SYT16: variants seen among roughly 807,000 people sequenced by gnomAD.
SYT16 encodes the protein synaptotagmin-16.
A neutral mutation model predicts 61.4 loss-of-function variants in SYT16; 42 were observed. That is an observed-to-expected ratio of 0.68 (90% CI 0.53 to 0.89). The LOEUF (loss-of-function observed/expected upper bound fraction) is 0.89. SYT16 is among the 40% of genes least tolerant of loss of function. The pLI is 0.00. For synonymous variants in SYT16, 314 were observed against 302.3 expected, an observed-to-expected ratio of 1.04 and a Z score of -0.40; for missense variants, 804 against 807.3, an observed-to-expected ratio of 1.00 and a Z score of 0.05.
intron 3 of SYT16, among the ~76,000 whole-genome samples, chr14:62,030,525 C>T (rs2054274677): frequency 1.3e-5 from 2 of 152,170 alleles, no homozygotes; most frequent in Admixed American, 1.3e-4. Context: ...AGTCCAAATC[C>T]CATCTAGATT....
chr14:61,956,981 T>C (rs569073799), intron 1 of SYT16, among the ~76,000 whole-genome samples: 45 of 152,104 alleles, frequency 3.0e-4, no homozygotes, highest in African/African-American at 1.0e-3. Context: ...TTTTAAAATT[T>C]CTTTCATCAA....
At chr14:61,949,744 G>A (rs1051989718) in intron 1 of SYT16, among the ~76,000 whole-genome samples, 11 of 152,308 alleles carry the variant, frequency 7.2e-5, no homozygotes, top group African/African-American at 2.6e-4. Flanking sequence ...CAACTTTACA[G>A]CATTTGAATG....
At chr14:62,011,409 T>C (rs1396096563) in intron 3 of SYT16, among the ~76,000 whole-genome samples, 1 of 152,182 alleles carries the variant, frequency 6.6e-6, no homozygotes, top group Non-Finnish European at 1.5e-5. Flanking sequence ...ACCACCACTT[T>C]CTGGCAATAA....
At chr14:61,817,954 T>G (rs1566605457) in intron 1 of SYT16, among the ~76,000 whole-genome samples, 1 of 152,204 alleles carries the variant, frequency 6.6e-6, no homozygotes. Flanking sequence ...AGGAGTTCCT[T>G]GTGCTGTTCT....
chr14:61,991,330 T>TTGTGTGTGTGTGTG lies in SYT16; in HGVS notation c.-144-4526_-144-4513dup, dbSNP rs71117861. Among the ~76,000 whole-genome samples the TTGTGTGTGTGTGTG allele has an allele frequency of 3.6e-3, 523 of 146,460 alleles. 5 individuals are homozygous for TTGTGTGTGTGTGTG. Among genetic ancestry groups the TTGTGTGTGTGTGTG allele is most frequent in the African/African-American group, 7.4e-3 (292 of 39,540 alleles). On this transcript the variant is annotated intron_variant, in intron 2 of 7. Transcript: ENST00000683842. ...ACTGGACTTTTTTTCTGTTTTTCATTTGTGTGTGTGTGTGTGTGTGTGTGT... is the reference window on the plus strand; with the variant it reads ...ACTGGACTTTTTTTCTGTTTTTCATTTGTGTGTGTGTGTGTGTGTGTGTGTGTGTGTGTGTGTGT...
intron 3 of SYT16, among the ~76,000 whole-genome samples, chr14:62,056,004 G>C (rs906332989): frequency 6.6e-6 from 1 of 151,846 alleles, no homozygotes; most frequent in Non-Finnish European, 1.5e-5. Context: ...GTGGGAGAAA[G>C]ATGGAGGCCA....
At chr14:61,895,871 T>A (rs1487844838) in intron 1 of SYT16, among the ~76,000 whole-genome samples, 5 of 152,198 alleles carry the variant, frequency 3.3e-5, no homozygotes, top group Non-Finnish European at 7.3e-5. Flanking sequence ...ATATTAGTTA[T>A]TTAGGAATTT....
At chr14:61,998,538 T>C (rs2052863582) in intron 3 of SYT16, among the ~76,000 whole-genome samples, 1 of 152,040 alleles carries the variant, frequency 6.6e-6, no homozygotes, top group Non-Finnish European at 1.5e-5. Context: ...TTTCCCTTTT[T>C]AATTGCTGAA....
chr14:62,009,599 G>A (rs2053363556), intron 3 of SYT16, among the ~76,000 whole-genome samples: 1 of 152,088 alleles, frequency 6.6e-6, no homozygotes, highest in African/African-American at 2.4e-5. Context: ...TCCTATGTTG[G>A]CGGGATCCTC....
intron 3 of SYT16, among the ~76,000 whole-genome samples, chr14:62,064,226 A>G (rs2055955349): frequency 6.6e-6 from 1 of 151,528 alleles, no homozygotes; most frequent in Admixed American, 6.6e-5. Flanking sequence ...TGATTTTCAA[A>G]GATTAAGTTA....
At chr14:61,969,110 A>G (rs1046239810) in intron 1 of SYT16, among the ~76,000 whole-genome samples, 7 of 152,168 alleles carry the variant, frequency 4.6e-5, no homozygotes, top group African/African-American at 1.4e-4. Flanking sequence ...ATCTCTTCAT[A>G]TTATTAAGGC....
At position 61,814,948 on chromosome 14, in the gene SYT16, C is replaced by T. The variant is rs150742178; in HGVS notation, c.-325+2138C>T. 9.7e-3 allele frequency among the ~76,000 whole-genome samples: 1,470 copies of T among 152,306 alleles called. 32 individuals are homozygous for T. The highest frequency in any genetic ancestry group is 0.034 in the African/African-American group (1,394 of 41,544). On this transcript the variant is annotated intron_variant, in intron 1 of 7. Transcript: ENST00000683842. ...AAAACGTAGAGCCCAGGGCTTCTCC[C>T]AGATACAGAATTCTTTAGTTAGCTC...
intron 3 of SYT16, 124 bp downstream of exon 3, chr14:61,996,666 C>T (rs2052785883): frequency 8.4e-7 from 1 of 1,190,806 alleles, no homozygotes; most frequent in South Asian, 1.7e-5. Flanking sequence ...TTCCCACATA[C>T]TGGCTTCTGA....
chr14:61,920,609 G>A (rs375950972), intron 1 of SYT16, among the ~76,000 whole-genome samples: 6 of 152,166 alleles, frequency 3.9e-5, no homozygotes, highest in Non-Finnish European at 7.4e-5. Flanking sequence ...GTGTCCCGTC[G>A]GCACTGTAGA....
chr14:61,935,383 T>C (rs557369548), intron 1 of SYT16, among the ~76,000 whole-genome samples: 3 of 152,340 alleles, frequency 2.0e-5, no homozygotes, highest in Admixed American at 6.5e-5. Context: ...TCTTTGCATA[T>C]TTTTTCATTA....
At chr14:61,862,183 T>A (rs1449761587) in intron 1 of SYT16, among the ~76,000 whole-genome samples, 4 of 152,236 alleles carry the variant, frequency 2.6e-5, no homozygotes, top group Non-Finnish European at 5.9e-5. Context: ...TTTTGACAAG[T>A]GTGTAGTTTT....
intron 3 of SYT16, among the ~76,000 whole-genome samples, chr14:62,025,381 C>T (rs536306238): frequency 6.6e-6 from 1 of 152,166 alleles, no homozygotes; most frequent in Non-Finnish European, 1.5e-5. Context: ...TGCTTATTTG[C>T]CATTGGTATA....
At chr14:62,041,194 G>A (rs1245330564) in intron 3 of SYT16, among the ~76,000 whole-genome samples, 2 of 151,982 alleles carry the variant, frequency 1.3e-5, no homozygotes, top group Non-Finnish European at 2.9e-5. Context: ...ATTAACAGTG[G>A]GTCTGCCTTT....
At chr14:61,847,094 CAGTT>C in intron 1 of SYT16, among the ~76,000 whole-genome samples, 1 of 152,280 alleles carries the variant, frequency 6.6e-6, no homozygotes, top group South Asian at 2.1e-4. Flanking sequence ...TTACACACCA[CAGTT>C]AGAATGTTAT....
Sources: gnomAD v4.1 joint callset for allele counts (sites outside exome capture counted in the v4.1 genomes callset) on GRCh38, gnomAD v4.1.1 for gene constraint, MANE v1.5 for transcripts, NCBI Gene and HGNC (gene_info 2026-07-23, HGNC 2026-07-21) for gene names.